The following TC2N variants were observed in gnomAD, a reference collection of about 807,000 sequenced individuals.
TC2N encodes the protein tandem C2 domains nuclear protein.
Under a neutral mutation model 61.9 loss-of-function variants are expected in TC2N, and 51 were observed. The ratio of observed to expected loss-of-function variants is 0.82; its 90% CI spans 0.66 to 1.04. The LOEUF (loss-of-function observed/expected upper bound fraction) is 1.04, where lower values mean the gene tolerates loss of function less well. TC2N is among the 50% of genes least tolerant of loss of function. TC2N has a pLI of 0.00. For synonymous variants in TC2N, 204 were observed against 192.6 expected, an observed-to-expected ratio of 1.06 and a Z score of -0.49; for missense variants, 556 against 566.7, an observed-to-expected ratio of 0.98 and a Z score of 0.19.
At chr14:91,808,797 T>C (rs540096726) in intron 3 of TC2N, among the ~76,000 whole-genome samples, 2 of 152,118 alleles carry the variant, frequency 1.3e-5, no homozygotes, top group African/African-American at 4.8e-5. Flanking sequence ...ATGAAAATAA[T>C]AGAGTAAAAA....
chr14:91,862,628 C>A (rs1253178955), intron 1 of TC2N, among the ~76,000 whole-genome samples: 1 of 152,226 alleles, frequency 6.6e-6, no homozygotes, highest in Non-Finnish European at 1.5e-5. Context: ...GGCAACTTGG[C>A]TCAGCATTTG....
At chr14:91,829,681 G>C (rs537430242) in intron 1 of TC2N, among the ~76,000 whole-genome samples, 4 of 151,892 alleles carry the variant, frequency 2.6e-5, no homozygotes, top group Non-Finnish European at 4.4e-5. Context: ...GGTTTATTTC[G>C]AGGTTCTATC....
intron 1 of TC2N, among the ~76,000 whole-genome samples, chr14:91,862,452 G>A (rs1012291684): frequency 6.6e-6 from 1 of 152,138 alleles, no homozygotes. Context: ...CCTTCCTCTT[G>A]GTTTTCACCT....
intron 3 of TC2N, among the ~76,000 whole-genome samples, chr14:91,803,655 C>T (rs1377214026): frequency 3.3e-5 from 5 of 151,936 alleles, no homozygotes; most frequent in African/African-American, 1.2e-4. Flanking sequence ...GTTTCACTCA[C>T]CATGTTGGCC....
chr14:91,828,116 C>A (rs1167278662), intron 1 of TC2N, among the ~76,000 whole-genome samples: 3 of 152,106 alleles, frequency 2.0e-5, no homozygotes, highest in Non-Finnish European at 4.4e-5. Flanking sequence ...TGCTAATATC[C>A]TTTATGATTT....
At chr14:91,843,418 A>G (rs2139911335) in intron 1 of TC2N, among the ~76,000 whole-genome samples, 1 of 152,102 alleles carries the variant, frequency 6.6e-6, no homozygotes, top group East Asian at 1.9e-4. Flanking sequence ...AAGTTAGAGG[A>G]TTCAGTTTCT....
intron 1 of TC2N, among the ~76,000 whole-genome samples, chr14:91,856,086 T>C (rs1372218836): frequency 6.6e-6 from 1 of 152,130 alleles, no homozygotes; most frequent in Non-Finnish European, 1.5e-5. Context: ...GAGATGAGCA[T>C]GAAAGACAGA....
At chr14:91,809,635 G>A (rs967683262) in intron 3 of TC2N, among the ~76,000 whole-genome samples, 7 of 152,240 alleles carry the variant, frequency 4.6e-5, no homozygotes, top group African/African-American at 1.7e-4. Context: ...TTTAGCCTGA[G>A]TACACATCAA....
intron 7 of TC2N, 80 bp downstream of exon 7, chr14:91,798,219 G>C (rs932074926): frequency 4.1e-6 from 3 of 730,778 alleles, no homozygotes; most frequent in Non-Finnish European, 6.7e-6. Flanking sequence ...CCATTCCCCA[G>C]AAAAGGGCAA....
chr14:91,819,104 G>A (rs1346045170), intron 1 of TC2N, among the ~76,000 whole-genome samples: 2 of 152,114 alleles, frequency 1.3e-5, no homozygotes, highest in East Asian at 3.9e-4. Flanking sequence ...CAAAAACAGT[G>A]ATGGGAAAAT....
intron 1 of TC2N, among the ~76,000 whole-genome samples, chr14:91,850,847 C>T (rs1163028626): frequency 1.3e-5 from 2 of 152,168 alleles, no homozygotes; most frequent in East Asian, 1.9e-4. Context: ...AGGAGAATTG[C>T]TTGAATTCAG....
chr14:91,812,813 G>C (rs1254075511), intron 2 of TC2N, among the ~76,000 whole-genome samples: 3 of 151,812 alleles, frequency 2.0e-5, no homozygotes, highest in African/African-American at 7.2e-5. Context: ...AGAATTCATA[G>C]ATGGAAAACA....
intron 1 of TC2N, among the ~76,000 whole-genome samples, chr14:91,815,835 G>A (rs960185306): frequency 6.6e-6 from 1 of 151,590 alleles, no homozygotes; most frequent in South Asian, 2.1e-4. Flanking sequence ...ACTGGCTGAA[G>A]GTGAATCATT....
At position 91,792,483 on chromosome 14, in the gene TC2N, T is replaced by C. The variant is rs142235862; in HGVS notation, c.931A>G (p.Ile311Val). Reference protein sequence around the residue: ...NLQTVRLVFKIQTQTPRKKTI... With the variant: ...NLQTVRLVFKVQTQTPRKKTI... The stretch of plus-strand genomic sequence containing the variant: ...TTCTTCCTGGGAGTCTGGGTTTGAA[T>C]CTTAAATACAAGTCTTACAGTTTGT... Residue 311 changes from isoleucine to valine, a missense_variant, in exon 9 of 12, where the codon ATT becomes GTT. Coordinates refer to ENST00000435962, the MANE Select transcript of TC2N (RefSeq NM_001128596.3). The C allele has an allele frequency of 6.2e-7, 1 of 1,610,696 alleles. No individual in the cohort carries two copies. The highest frequency in any genetic ancestry group is 1.3e-5 in the African/African-American group (1 of 74,794).
intron 1 of TC2N, among the ~76,000 whole-genome samples, chr14:91,838,123 T>C (rs1888082980): frequency 1.3e-5 from 2 of 151,878 alleles, no homozygotes; most frequent in Non-Finnish European, 2.9e-5. Flanking sequence ...CTAATATTCA[T>C]TCTGTCTCTC....
chr14:91,844,472 C>A (rs996201088), intron 1 of TC2N, among the ~76,000 whole-genome samples: 1 of 152,130 alleles, frequency 6.6e-6, no homozygotes, highest in Admixed American at 6.5e-5. Context: ...TCCATCAAAA[C>A]CATCTTATGG....
intron 8 of TC2N, among the ~76,000 whole-genome samples, chr14:91,795,905 C>A (rs1466286274): frequency 2.6e-5 from 4 of 152,036 alleles, no homozygotes; most frequent in African/African-American, 9.7e-5. Context: ...TAGAATCACA[C>A]CAATTATATA....
At chr14:91,809,496 TA>T (rs1257102533) in intron 3 of TC2N, among the ~76,000 whole-genome samples, 2 of 151,710 alleles carry the variant, frequency 1.3e-5, no homozygotes, top group Non-Finnish European at 2.9e-5. Flanking sequence ...AGACCAAAAC[TA>T]AAACAAAGCA....
chr14:91,820,107 C>T (rs1887175876), intron 1 of TC2N, among the ~76,000 whole-genome samples: 1 of 151,900 alleles, frequency 6.6e-6, no homozygotes, highest in African/African-American at 2.4e-5. Context: ...GCAGAAATTG[C>T]CAGACTGGAT....
Sources: gnomAD v4.1 joint callset for allele counts (sites outside exome capture counted in the v4.1 genomes callset) on GRCh38, gnomAD v4.1.1 for gene constraint, MANE v1.5 for transcripts, NCBI Gene and HGNC (gene_info 2026-07-23, HGNC 2026-07-21) for gene names.